SPEG: variants seen among roughly 807,000 people sequenced by gnomAD.
SPEG encodes the protein striated muscle preferentially expressed protein kinase.
In SPEG, 114 loss-of-function variants were observed where a neutral mutation model predicts 300.4. That is an observed-to-expected ratio of 0.38 (90% CI 0.33 to 0.44). The LOEUF (loss-of-function observed/expected upper bound fraction) is 0.44, where lower values mean the gene tolerates loss of function less well. SPEG is among the 20% of genes least tolerant of loss of function. The probability of loss-of-function intolerance (pLI) is 1.00; values close to 1 mark genes in which losing one functional copy is unlikely to be tolerated. For synonymous variants in SPEG, 1,964 were observed against 2,018.9 expected, an observed-to-expected ratio of 0.97 and a Z score of 0.73; for missense variants, 4,201 against 4,586.2, an observed-to-expected ratio of 0.92 and a Z score of 2.43.
In SPEG at chr2:219,469,244, C is replaced by T; in HGVS notation, c.3580C>T (p.Leu1194=). 6.2e-7 allele frequency: 1 copy of T among 1,613,862 alleles called. No homozygotes were observed. The highest frequency in any genetic ancestry group is 8.5e-7 in the Non-Finnish European group (1 of 1,179,984). Residue 1194 remains leucine, a synonymous_variant, in exon 13 of 41, where the codon CTG becomes TTG. Transcript: ENST00000312358. ...RLSIPDFLRP[L]QDLEVGLAKE... ...GTCCATTCCTGACTTCCTGCGGCCACTGCAGGACCTGGAGGTGGGACTGGC... is the reference window on the plus strand; with the variant it reads ...GTCCATTCCTGACTTCCTGCGGCCATTGCAGGACCTGGAGGTGGGACTGGC...
At position 219,445,572 on chromosome 2, in the gene SPEG, C is replaced by T; in HGVS notation, c.815+411C>T. 4.1e-6 allele frequency: 1 copy of T among 245,448 alleles called. No homozygotes were observed. Among genetic ancestry groups the T allele is most frequent in the Non-Finnish European group, 7.9e-6 (1 of 126,106 alleles). The allele number at this position is 245,448 out of a possible 1,614,324, so 15.2% of individuals were successfully genotyped here. A position where few individuals can be genotyped will look rare whatever the true frequency, so the allele number is the denominator to read the frequency against. ...TGCCTTTTCATCTCTCTGCACATTC[C>T]TGTTCCCATGTGGGCCTTTTTCTGG... is the stretch of plus-strand genomic sequence containing the variant. On this transcript the variant is annotated intron_variant, in intron 3 of 40. Transcript: ENST00000312358. This position sits in a 1 kb window ranked among gnomAD's most constrained non-coding sequence, Gnocchi z 6.1.
intron 13 of SPEG, among the ~76,000 whole-genome samples, chr2:219,469,939 C>G (rs1196590370): frequency 6.6e-6 from 1 of 152,112 alleles, no homozygotes; most frequent in Non-Finnish European, 1.5e-5. Context: ...AGGGGAGACA[C>G]AGAGGAACGT....
At chr2:219,441,967 T>C (rs1688945591) in intron 1 of SPEG, 1 of 320,348 alleles carries the variant, frequency 3.1e-6, no homozygotes, top group Non-Finnish European at 5.3e-6. Flanking sequence ...GCTCCCCAGC[T>C]CGCCCCCGGC....
intron 9 of SPEG, chr2:219,466,101 C>G: frequency 1.3e-6 from 2 of 1,591,890 alleles, no homozygotes; most frequent in Middle Eastern, 1.7e-4. Flanking sequence ...CGCTACCCTC[C>G]GAGCCGCGCC....
At chr2:219,482,979 C>T (rs957247841) in intron 29 of SPEG, 119 bp from the exon 30 acceptor site, 1 of 1,411,856 alleles carries the variant, frequency 7.1e-7, no homozygotes. Flanking sequence ...TGCCTAGCTT[C>T]CTGCCTGTTC....
At position 219,467,430 on chromosome 2, in the gene SPEG, C is replaced by T; in HGVS notation, c.3138C>T (p.Ala1046=). ...SGVYTCKLST[A]KDELTCSARL... ...TCTACACCTGCAAGCTCAGCACGGC[C>T]AAAGGTAACTCCCCACTCAGGCATT... The change falls in exon 10 of 41, where the codon GCC becomes GCT. Residue 1046 remains alanine, a synonymous_variant. Transcript: ENST00000312358. The T allele has an allele frequency of 3.8e-6, 6 of 1,598,484 alleles. No homozygotes were observed. The highest frequency in any genetic ancestry group is 5.1e-6 in the Non-Finnish European group (6 of 1,170,238).
intron 9 of SPEG, 44 bp from the exon 10 acceptor site, chr2:219,467,130 T>G (rs1691438652): frequency 6.5e-7 from 1 of 1,529,218 alleles, no homozygotes; most frequent in African/African-American, 1.4e-5. Flanking sequence ...TCACCCTGTG[T>G]GTCTCTGCTC....
intron 3 of SPEG, among the ~76,000 whole-genome samples, chr2:219,446,179 G>A (rs777805982): frequency 6.6e-5 from 10 of 152,102 alleles, no homozygotes; most frequent in Non-Finnish European, 1.3e-4. Context: ...CCACGGCCAG[G>A]GGGAGGCTCC....
At position 219,451,094 on chromosome 2, in the gene SPEG, A is replaced by G. The variant is rs1426118259; in HGVS notation, c.2114-42A>G. The G allele has an allele frequency of 3.8e-6, 6 of 1,562,692 alleles. No individual in the cohort carries two copies. In the African/African-American group the frequency reaches 8.2e-5, roughly 21 times the overall value. The stretch of plus-strand genomic sequence containing the variant: ...CTCTCTCTCCCGCTGTCATCCCTGC[A>G]GGGATCATGGCCCCTTACCCCGTTA... On this transcript the variant is annotated intron_variant, in intron 4 of 40. Transcript: ENST00000312358. This position sits in a 1 kb window ranked among gnomAD's most constrained non-coding sequence, Gnocchi z 6.4.
intron 1 of SPEG, among the ~76,000 whole-genome samples, chr2:219,438,624 G>C (rs1182186887): frequency 5.9e-5 from 9 of 152,250 alleles, no homozygotes; most frequent in African/African-American, 1.7e-4. Context: ...CTGTGGGTGT[G>C]CGTGTGTGGC....
rs764029757 is a variant in SPEG at position 219,435,299 on chromosome 2, T to C, written c.322T>C (p.Cys108Arg). 3.6e-5 allele frequency: 55 copies of C among 1,525,994 alleles called. No individual in the cohort carries two copies. The highest frequency in any genetic ancestry group is 4.7e-5 in the Non-Finnish European group (54 of 1,144,068). The allele number at this position is 1,525,994 out of a possible 1,614,324, so 94.5% of individuals were successfully genotyped here. ...CGAQDAGVYS[C>R]MAQNERGRAS... Reference sequence around the variant, plus strand: ...GGCGCAGGACGCCGGCGTGTACAGCTGCATGGCCCAGAACGAGCGGGGCCG... The same window carrying C: ...GGCGCAGGACGCCGGCGTGTACAGCCGCATGGCCCAGAACGAGCGGGGCCG... Residue 108 changes from cysteine (C) to arginine (R), a missense_variant, in exon 1 of 41, where the codon TGC (cysteine) becomes CGC (arginine). Transcript: ENST00000312358.
intron 8 of SPEG, 141 bp downstream of exon 8, chr2:219,462,527 A>G (rs1690818930): frequency 4.5e-6 from 3 of 664,016 alleles, no homozygotes; most frequent in Non-Finnish European, 7.8e-6. Context: ...CAGGGACAGC[A>G]GTGTACTCCC....
At position 219,480,720 on chromosome 2, in the gene SPEG, C is replaced by A. The variant is rs781297678; in HGVS notation, c.5369+23C>A. 6.2e-7 allele frequency: 1 copy of A among 1,612,696 alleles called. No homozygotes were observed. On this transcript the variant is annotated intron_variant, in intron 26 of 40. Coordinates refer to ENST00000312358, the MANE Select transcript of SPEG (RefSeq NM_005876.5). This position sits in a 1 kb window ranked among gnomAD's most constrained non-coding sequence, Gnocchi z 5.3. ...CTGGTAAGGACCCCTCTGCAATGTCCCAGCAGTCTCCTGGCAGGTCTACCC... is the reference window on the plus strand; with the variant it reads ...CTGGTAAGGACCCCTCTGCAATGTCACAGCAGTCTCCTGGCAGGTCTACCC...
chr2:219,471,873 G>T lies in SPEG; in HGVS notation c.3721G>T (p.Asp1241Tyr). 6.2e-7 allele frequency: 1 copy of T among 1,614,032 alleles called. No homozygotes were observed. The highest frequency in any genetic ancestry group is 8.5e-7 in the Non-Finnish European group (1 of 1,179,996). Reference sequence around the variant, plus strand: ...CACTGTCCCTCCCCTCCCAGACAGGGATGTCCATCGCTTGGTGTTCCCTGC... The same window carrying T: ...CACTGTCCCTCCCCTCCCAGACAGGTATGTCCATCGCTTGGTGTTCCCTGC... ...SDDRRMTQYR[D>Y]VHRLVFPAVG... The change falls in exon 14 of 41, where the codon GAT (aspartate) becomes TAT (tyrosine). Residue 1241 changes from aspartate (D) to tyrosine (Y), a missense_variant. Physicochemically the swap from Asp to Tyr is radical, Grantham distance 160 (BLOSUM62 -3). Coordinates refer to ENST00000312358, the MANE Select transcript of SPEG (RefSeq NM_005876.5).
Position 219,477,540 on chromosome 2 carries a change from C to G in SPEG, c.4729+95C>G. The stretch of plus-strand genomic sequence containing the variant: ...CCCAGGAAGCAGCCAGCCCTGGACT[C>G]GAGCCACCACACCCCCAGCCCAGCA... On this transcript the variant is annotated intron_variant, in intron 20 of 40. Coordinates refer to ENST00000312358, the MANE Select transcript of SPEG (RefSeq NM_005876.5). This position sits in a 1 kb window ranked among gnomAD's most constrained non-coding sequence, Gnocchi z 6.4. The G allele has an allele frequency of 2.1e-6, 3 of 1,412,118 alleles. No homozygotes were observed. Among genetic ancestry groups the G allele is most frequent in the Non-Finnish European group, 2.9e-6 (3 of 1,050,240 alleles). 87.5% of individuals were successfully genotyped at this position (1,412,118 alleles called of 1,614,324 possible). A position where few individuals can be genotyped will look rare whatever the true frequency, so the allele number is the denominator to read the frequency against.
chr2:219,475,204 A>G (rs1340106766), intron 18 of SPEG, among the ~76,000 whole-genome samples: 3 of 152,188 alleles, frequency 2.0e-5, no homozygotes, highest in African/African-American at 7.2e-5. Context: ...AGACATATGT[A>G]ACCGCCACTC....
chr2:219,482,807 G>A lies in SPEG; in HGVS notation c.5589G>A (p.Val1863=). The A allele has an allele frequency of 1.2e-6, 2 of 1,613,906 alleles. No homozygotes were observed. The highest frequency in any genetic ancestry group is 1.7e-6 in the Non-Finnish European group (2 of 1,179,944). ...WFKTQAKGAE[V]STDHLKLFLS... ...AGACTCAGGCAAAGGGCGCAGAGGT[G>A]AGCACGGATCACCTGAAGCTATTCC... The change falls in exon 29 of 41, where the codon GTG becomes GTA. Residue 1863 remains valine, a synonymous_variant. Transcript: ENST00000312358.
At chr2:219,446,901 A>G (rs1689330882) in intron 3 of SPEG, among the ~76,000 whole-genome samples, 1 of 151,974 alleles carries the variant, frequency 6.6e-6, no homozygotes, top group Admixed American at 6.6e-5. Flanking sequence ...CACTCAGGAA[A>G]TATTCAATGA....
Position 219,485,071 on chromosome 2 carries a change from A to C in SPEG, c.7608A>C (p.Ser2536=), listed in dbSNP as rs1186991735. The C allele has an allele frequency of 6.5e-7, 1 of 1,531,806 alleles. No homozygotes were observed. Among genetic ancestry groups the C allele is most frequent in the Non-Finnish European group, 8.7e-7 (1 of 1,145,662 alleles). 94.9% of individuals were successfully genotyped at this position (1,531,806 alleles called of 1,614,324 possible). A position where few individuals can be genotyped will look rare whatever the true frequency, so the allele number is the denominator to read the frequency against. Reference sequence around the variant, plus strand: ...AGGCCAGCGCCACGTCGGGCTCCTCAGGTGAGGAGGGGCAGGGGTAGGGCA... The same window carrying C: ...AGGCCAGCGCCACGTCGGGCTCCTCCGGTGAGGAGGGGCAGGGGTAGGGCA... The part of the protein sequence containing the change: ...GSEASATSGS[S]APGESRSRLR... Residue 2536 remains serine, a splice_region_variant and synonymous_variant, in exon 30 of 41, where the codon TCA becomes TCC. Coordinates refer to ENST00000312358, the MANE Select transcript of SPEG (RefSeq NM_005876.5).
Sources: allele counts gnomAD v4.1 joint callset (sites outside exome capture counted in the v4.1 genomes callset), GRCh38; gene constraint gnomAD v4.1.1; non-coding constraint Gnocchi (gnomAD v3.1); transcripts MANE v1.5; gene names NCBI Gene and HGNC (gene_info 2026-07-23, HGNC 2026-07-21).